The following ESR1 variants were observed in gnomAD, a reference collection of about 807,000 sequenced individuals.
ESR1 encodes estrogen receptor 1.
Under a neutral mutation model 52.7 loss-of-function variants are expected in ESR1, and 12 were observed. The ratio of observed to expected loss-of-function variants is 0.23; its 90% CI spans 0.15 to 0.37. ESR1 has a LOEUF of 0.37. Ranked by LOEUF, ESR1 falls within the 10% of genes least tolerant of loss-of-function variation. The probability of loss-of-function intolerance (pLI) is 1.00; values close to 1 mark genes in which losing one functional copy is unlikely to be tolerated. For synonymous variants in ESR1, 305 were observed against 316.8 expected, an observed-to-expected ratio of 0.96 and a Z score of 0.39; for missense variants, 584 against 779.7, an observed-to-expected ratio of 0.75 and a Z score of 2.99.
chr6:152,098,536 C>G lies in ESR1; in HGVS notation c.1554-196C>G, dbSNP rs906656039. ...GAGGTGGAAAATGAAAAACACACGG[C>G]CATGAGTTCCAGATTAGGGCTTCTG... On this transcript the variant is annotated intron_variant, in intron 7 of 7. Transcript: ENST00000206249. The surrounding 1 kb of genome is among the most constrained non-coding windows in gnomAD (Gnocchi z 5.1). Among the ~76,000 whole-genome samples, 1 of 152,028 alleles carries G rather than the reference C, an allele frequency of 6.6e-6. No individual in the cohort carries two copies. Among genetic ancestry groups the G allele is most frequent in the African/African-American group, 2.4e-5 (1 of 41,386 alleles).
chr6:152,028,129 G>T (rs2044318881), intron 5 of ESR1, among the ~76,000 whole-genome samples: 1 of 152,138 alleles, frequency 6.6e-6, no homozygotes, highest in Non-Finnish European at 1.5e-5. Context: ...TGGCGACAGA[G>T]TGAGACTTTG....
chr6:151,860,084 TA>T (rs1350160522), intron 2 of ESR1, among the ~76,000 whole-genome samples: 2 of 152,234 alleles, frequency 1.3e-5, no homozygotes, highest in Non-Finnish European at 2.9e-5. Flanking sequence ...ATTGTGCTTC[TA>T]AATCCACTTT....
chr6:151,850,108 A>ATATTATTTTATATG lies in ESR1; in HGVS notation c.643+7321_643+7322insTATTATTTTATATG, dbSNP rs1491263524. ...TATATATATAATTTTATATATATAT[A>ATATTATTTTATATG]CAAAATTATATATATATGTCTGGTA... On this transcript the variant is annotated intron_variant, in intron 2 of 7. Transcript: ENST00000206249. 2.1e-3 allele frequency among the ~76,000 whole-genome samples: 59 copies of ATATTATTTTATATG among 27,526 alleles called. 2 individuals carry two copies. Among genetic ancestry groups the ATATTATTTTATATG allele is most frequent in the Non-Finnish European group, 4.3e-3 (41 of 9,488 alleles). 18.1% of individuals were successfully genotyped at this position (27,526 alleles called of 152,430 possible).
intron 6 of ESR1, among the ~76,000 whole-genome samples, chr6:152,078,234 C>T (rs1327639274): frequency 6.6e-6 from 1 of 152,178 alleles, no homozygotes; most frequent in Non-Finnish European, 1.5e-5. Flanking sequence ...CTCATTTTCT[C>T]TTGCTGCTGC....
intron 1 of ESR1, among the ~76,000 whole-genome samples, chr6:151,821,402 C>T (rs1036727641): frequency 2.0e-5 from 3 of 152,188 alleles, no homozygotes; most frequent in African/African-American, 7.2e-5. Context: ...CTCTGTTTGT[C>T]GAGTCGGTGT....
intron 2 of ESR1, among the ~76,000 whole-genome samples, chr6:151,850,691 G>GTT (rs757888181): frequency 6.6e-6 from 1 of 152,072 alleles, no homozygotes; most frequent in Non-Finnish European, 1.5e-5. Flanking sequence ...GTGTGTGACA[G>GTT]TTCCCTTGCC....
chr6:151,686,426 C>T (rs918536499), upstream of ESR1, among the ~76,000 whole-genome samples: 3 of 152,256 alleles, frequency 2.0e-5, no homozygotes, highest in East Asian at 1.9e-4. Flanking sequence ...TGGCTCACGC[C>T]TGTAATCCCA....
intron 2 of ESR1, among the ~76,000 whole-genome samples, chr6:151,712,006 G>A (rs1582979651): frequency 6.6e-6 from 1 of 151,892 alleles, no homozygotes; most frequent in South Asian, 2.1e-4. Flanking sequence ...TTTTAATCTT[G>A]AGTTAATTTT....
At chr6:151,708,696 T>A (rs1014275985) in intron 2 of ESR1, among the ~76,000 whole-genome samples, 1 of 152,138 alleles carries the variant, frequency 6.6e-6, no homozygotes, top group Non-Finnish European at 1.5e-5. Flanking sequence ...TTCCTTTGGA[T>A]TTTCTTATCT....
chr6:151,808,256 C>T lies in ESR1; in HGVS notation c.344C>T (p.Pro115Leu). 1.3e-6 allele frequency: 2 copies of T among 1,581,176 alleles called. No homozygotes were observed. The highest frequency in any genetic ancestry group is 1.7e-6 in the Non-Finnish European group (2 of 1,164,230). ...PSPLMLLHPPPQLSPFLQPHG... is the reference protein window; with the variant it reads ...PSPLMLLHPPLQLSPFLQPHG... ...CCGCTGATGCTACTGCACCCGCCGC[C>T]GCAGCTGTCGCCTTTCCTGCAGCCC... The change falls in exon 1 of 8, where the codon CCG (proline) becomes CTG (leucine). Residue 115 changes from proline to leucine, a missense_variant. Around this residue, in one of 6 missense-constraint regions of ESR1, gnomAD observed 251 missense variants for 246.1 expected, o/e 1.02. Transcript: ENST00000206249.
At chr6:151,661,496 G>A (rs1396498554) in intron 1 of ESR1, among the ~76,000 whole-genome samples, 1 of 152,334 alleles carries the variant, frequency 6.6e-6, no homozygotes, top group Non-Finnish European at 1.5e-5. Context: ...GTTCTCAAGA[G>A]CATAGCATTT....
intron 2 of ESR1, among the ~76,000 whole-genome samples, chr6:151,858,914 C>T (rs766324070): frequency 1.2e-4 from 18 of 152,102 alleles, no homozygotes; most frequent in Admixed American, 3.3e-4. Context: ...GAGGCTGTTC[C>T]CTTCTTTATA....
chr6:151,738,276 T>C (rs1483557218), intron 2 of ESR1, among the ~76,000 whole-genome samples: 1 of 152,212 alleles, frequency 6.6e-6, no homozygotes, highest in African/African-American at 2.4e-5. Flanking sequence ...TTTACTTAGA[T>C]TCTTTTGACA....
chr6:151,766,574 A>G (rs1304341081), intron 2 of ESR1, among the ~76,000 whole-genome samples: 1 of 152,136 alleles, frequency 6.6e-6, no homozygotes, highest in Admixed American at 6.5e-5. Flanking sequence ...AAATATCAAG[A>G]TTCTATTTGA....
At chr6:151,777,227 C>T (rs1289235772) in intron 2 of ESR1, among the ~76,000 whole-genome samples, 3 of 151,350 alleles carry the variant, frequency 2.0e-5, no homozygotes, top group Admixed American at 2.0e-4. Flanking sequence ...AAGCGATTCT[C>T]CTGCCTCACC....
chr6:151,957,245 A>T (rs1377803570), intron 4 of ESR1, among the ~76,000 whole-genome samples: 2 of 152,236 alleles, frequency 1.3e-5, no homozygotes, highest in East Asian at 3.9e-4. Flanking sequence ...TCCCCTAGTA[A>T]GTGTTCAAAA....
At chr6:151,808,494 G>T (rs1359916840) in intron 1 of ESR1, 130 bp downstream of exon 1, 2 of 763,770 alleles carry the variant, frequency 2.6e-6, no homozygotes, top group Non-Finnish European at 3.7e-6. Context: ...GTGCGCGCAG[G>T]GAGCCCGGGG....
chr6:151,804,751 A>G (rs1777610034), upstream of ESR1: 1 of 152,160 alleles, frequency 6.6e-6, no homozygotes, highest in African/African-American at 2.4e-5. Flanking sequence ...TTGTGATTAG[A>G]GTCATTTAAT....
At chr6:151,958,793 G>A (rs2037300009) in intron 4 of ESR1, among the ~76,000 whole-genome samples, 1 of 152,222 alleles carries the variant, frequency 6.6e-6, no homozygotes, top group Non-Finnish European at 1.5e-5. Flanking sequence ...ACATTGAATA[G>A]TTGTTTTCAG....
Sources: allele counts gnomAD v4.1 joint callset (sites outside exome capture counted in the v4.1 genomes callset), GRCh38; gene constraint gnomAD v4.1.1; regional missense constraint gnomAD v4.1.1; non-coding constraint Gnocchi (gnomAD v3.1); transcripts MANE v1.5; gene names NCBI Gene and HGNC (gene_info 2026-07-23, HGNC 2026-07-21).